The following TTC6 variants were observed in gnomAD, a reference collection of about 807,000 sequenced individuals.
TTC6 encodes tetratricopeptide repeat protein 6.
In TTC6, 172 loss-of-function variants were observed where a neutral mutation model predicts 210.4. The ratio of observed to expected loss-of-function variants is 0.82; its 90% CI spans 0.72 to 0.93. TTC6 has a LOEUF of 0.93. Among genes scored for constraint, TTC6 ranks in the 40% least tolerant of loss-of-function variants. The pLI is 0.00. For synonymous variants in TTC6, 804 were observed against 819.6 expected (o/e 0.98, Z 0.32); for missense variants, 2,414 against 2,318.1 (o/e 1.04, Z -0.85).
At chr14:37,785,643 A>C (rs2096065781) in intron 14 of TTC6, among the ~76,000 whole-genome samples, 2 of 152,198 alleles carry the variant, frequency 1.3e-5, no homozygotes, top group Admixed American at 1.3e-4. Flanking sequence ...GTCATTCCTC[A>C]TCCAGCTTTG....
At chr14:37,680,236 A>G (rs1313606742) in exon 2 of TTC6, 1 of 1,533,624 alleles carries the variant, frequency 6.5e-7, no homozygotes, top group East Asian at 2.4e-5. Flanking sequence ...TATAAATTCC[A>G]GATGGGTGCT....
intron 14 of TTC6, among the ~76,000 whole-genome samples, chr14:37,780,802 C>T (rs903298903): frequency 5.3e-5 from 8 of 152,022 alleles, no homozygotes; most frequent in African/African-American, 1.4e-4. Context: ...CCATGGACCC[C>T]GGTGTGTGGT....
chr14:37,650,580 A>T (rs1240424631), intron 1 of TTC6, among the ~76,000 whole-genome samples: 1 of 152,132 alleles, frequency 6.6e-6, no homozygotes, highest in African/African-American at 2.4e-5. Context: ...CTTCCTCTGC[A>T]CTGGCCTTTG....
intron 27 of TTC6, among the ~76,000 whole-genome samples, chr14:37,824,795 CAGTGTTCCGTAA>C (rs2096166706): frequency 6.6e-6 from 1 of 152,034 alleles, no homozygotes; most frequent in African/African-American, 2.4e-5. Flanking sequence ...GGCTAGGATA[CAGTGTTCCGTAA>C]AGTGGAACCA....
At position 37,796,778 on chromosome 14, in the gene TTC6, C is replaced by T. The variant is rs749887887; in HGVS notation, c.3869-9C>T. 6.3e-6 allele frequency: 10 copies of T among 1,589,092 alleles called. 1 individual carries two copies. The South Asian group carries it at 9.5e-5, about 15-fold the overall frequency. On this transcript the variant is annotated splice_polypyrimidine_tract_variant and intron_variant, in intron 19 of 30. Transcript: ENST00000553443. ...GCAAAGATATTGATAAACTTTCCTT[C>T]CCTTTTAGGTCTCAGTGAGTTGAGT...
At chr14:37,685,924 A>G (rs538310565) in intron 3 of TTC6, among the ~76,000 whole-genome samples, 1 of 152,334 alleles carries the variant, frequency 6.6e-6, no homozygotes, top group Admixed American at 6.5e-5. Flanking sequence ...GAATTATTAA[A>G]TGACTCATTA....
Position 37,778,928 on chromosome 14 carries a change from G to C in TTC6, c.3267-8540G>C, listed in dbSNP as rs138461888. Among the ~76,000 whole-genome samples, 42 of 152,252 alleles carry C rather than the reference G, an allele frequency of 2.8e-4. 1 individual carries two copies. In the East Asian group the frequency reaches 8.1e-3, roughly 30 times the overall value. Reference sequence around the variant, plus strand: ...GGGCTAAAGTCTCCAAGGGGAGCATGGCAGACCTTGGGGTATGGGTATCCC... The same window carrying C: ...GGGCTAAAGTCTCCAAGGGGAGCATCGCAGACCTTGGGGTATGGGTATCCC... On this transcript the variant is annotated intron_variant, in intron 14 of 30. Transcript: ENST00000553443.
chr14:37,795,224 G>A (rs1174698179), intron 17 of TTC6, 46 bp from the exon 20 acceptor site: 2 of 1,311,188 alleles, frequency 1.5e-6, no homozygotes, highest in African/African-American at 1.5e-5. Context: ...CAGAAAGGAA[G>A]CAATCGATGT....
chr14:37,700,633 C>G (rs2095823254), intron 4 of TTC6, among the ~76,000 whole-genome samples: 2 of 150,994 alleles, frequency 1.3e-5, no homozygotes, highest in South Asian at 4.2e-4. Context: ...GTCCCAGCTA[C>G]TCAGGAGGCT....
chr14:37,804,468 G>A (rs1025895304), intron 20 of TTC6, among the ~76,000 whole-genome samples: 1 of 152,182 alleles, frequency 6.6e-6, no homozygotes, highest in Non-Finnish European at 1.5e-5. Context: ...ATAGGCACCT[G>A]GGTGGGACTC....
At chr14:37,701,038 G>T (rs2095824340) in intron 4 of TTC6, among the ~76,000 whole-genome samples, 1 of 152,068 alleles carries the variant, frequency 6.6e-6, no homozygotes, top group Admixed American at 6.5e-5. Flanking sequence ...GGTTGGGGTG[G>T]GATGATAAAG....
At chr14:37,626,759 A>G (rs1055213504) in intron 1 of TTC6, among the ~76,000 whole-genome samples, 3 of 152,178 alleles carry the variant, frequency 2.0e-5, no homozygotes, top group Admixed American at 6.5e-5. Flanking sequence ...ATCTGCAACA[A>G]AAGCCTGCTC....
intron 28 of TTC6, among the ~76,000 whole-genome samples, chr14:37,826,597 A>T (rs1217256424): frequency 6.6e-6 from 1 of 152,092 alleles, no homozygotes; most frequent in African/African-American, 2.4e-5. Flanking sequence ...TTATACTTTC[A>T]TGGGACATCA....
At chr14:37,766,269 A>T in intron 14 of TTC6, among the ~76,000 whole-genome samples, 1 of 152,162 alleles carries the variant, frequency 6.6e-6, no homozygotes, top group East Asian at 1.9e-4. Flanking sequence ...ATATAGGTAA[A>T]TTTGTGTCAC....
chr14:37,735,140 T>A (rs991716234), intron 7 of TTC6, among the ~76,000 whole-genome samples: 3 of 152,180 alleles, frequency 2.0e-5, no homozygotes, highest in African/African-American at 7.2e-5. Flanking sequence ...TAGCAAAAAC[T>A]CAATGCTTGG....
At chr14:37,732,589 C>T (rs570508282) in intron 7 of TTC6, among the ~76,000 whole-genome samples, 1 of 151,756 alleles carries the variant, frequency 6.6e-6, no homozygotes, top group East Asian at 2.0e-4. Context: ...TGGAAGTAGA[C>T]GATCATAAAG....
At chr14:37,688,443 A>G (rs1464783091) in intron 3 of TTC6, among the ~76,000 whole-genome samples, 1 of 152,056 alleles carries the variant, frequency 6.6e-6, no homozygotes. Flanking sequence ...TTGAGCAAAC[A>G]TAAGTAGTGG....
At chr14:37,769,948 A>C (rs2096012607) in intron 14 of TTC6, among the ~76,000 whole-genome samples, 1 of 151,924 alleles carries the variant, frequency 6.6e-6, no homozygotes, top group Non-Finnish European at 1.5e-5. Context: ...TTAGTGCTAT[A>C]AATTTCCCTC....
intron 1 of TTC6, among the ~76,000 whole-genome samples, chr14:37,647,281 CT>C (rs1272266032): frequency 2.0e-5 from 3 of 152,122 alleles, no homozygotes; most frequent in Admixed American, 2.0e-4. Flanking sequence ...TTATCTGATA[CT>C]GTGTGGACAA....
Sources: allele counts gnomAD v4.1 joint callset (sites outside exome capture counted in the v4.1 genomes callset), GRCh38; gene constraint gnomAD v4.1.1; transcripts MANE v1.5; gene names NCBI Gene and HGNC (gene_info 2026-07-23, HGNC 2026-07-21).